Variants in LRRC4C observed in about 807,000 individuals in gnomAD.
The protein encoded by LRRC4C is leucine-rich repeat-containing protein 4C.
A neutral mutation model predicts 33.6 loss-of-function variants in LRRC4C; 5 were observed. The observed-to-expected ratio is 0.15, with a 90% CI of 0.08 to 0.31. The LOEUF (loss-of-function observed/expected upper bound fraction) is 0.31. Ranked by LOEUF, LRRC4C falls within the 10% of genes least tolerant of loss-of-function variation. LRRC4C has a pLI of 1.00. For synonymous variants in LRRC4C, 329 were observed against 302.0 expected, an observed-to-expected ratio of 1.09 and a Z score of -0.93; for missense variants, 560 against 796.7, an observed-to-expected ratio of 0.70 and a Z score of 3.58.
intron 1 of LRRC4C, among the ~76,000 whole-genome samples, chr11:41,288,260 T>A (rs1174441314): frequency 6.6e-6 from 1 of 152,212 alleles, no homozygotes; most frequent in Non-Finnish European, 1.5e-5. Flanking sequence ...TCTCCATCCT[T>A]ACCTTTATTA....
At chr11:41,369,364 A>T in intron 1 of LRRC4C, among the ~76,000 whole-genome samples, 1 of 152,074 alleles carries the variant, frequency 6.6e-6, no homozygotes, top group East Asian at 1.9e-4. Flanking sequence ...AATGACACAC[A>T]CTGGGGCCTC....
At chr11:40,952,792 T>C (rs1041691264) in intron 1 of LRRC4C, among the ~76,000 whole-genome samples, 1 of 151,494 alleles carries the variant, frequency 6.6e-6, no homozygotes, top group African/African-American at 2.4e-5. Flanking sequence ...CACTGGTTTA[T>C]TTAAGGCTTC....
chr11:40,257,567 T>C lies in LRRC4C; in HGVS notation c.-175-15969A>G, dbSNP rs536652964. Among the ~76,000 whole-genome samples the C allele has an allele frequency of 7.9e-5, 12 of 152,308 alleles. No individual in the cohort carries two copies. The South Asian group carries it at 2.5e-3, about 32-fold the overall frequency. ...CCCCGAAGAGTCATCTTGACTCGCC[T>C]AAGACAATCATGGCTGCCTCACTTT... is the stretch of plus-strand genomic sequence containing the variant. On this transcript the variant is annotated intron_variant, in intron 4 of 6. Transcript: ENST00000528697.
chr11:40,953,330 T>A (rs1958801875), intron 1 of LRRC4C, among the ~76,000 whole-genome samples: 1 of 151,898 alleles, frequency 6.6e-6, no homozygotes, highest in Non-Finnish European at 1.5e-5. Context: ...ATTTCCTGAC[T>A]TTTAGAAGGT....
At chr11:40,603,026 T>C (rs1960187156) in intron 3 of LRRC4C, among the ~76,000 whole-genome samples, 10 of 152,116 alleles carry the variant, frequency 6.6e-5, no homozygotes, top group Admixed American at 6.6e-4. Flanking sequence ...AGAGTATCTC[T>C]TTATGACTGG....
At chr11:40,756,540 A>G (rs1948955993) in intron 2 of LRRC4C, among the ~76,000 whole-genome samples, 6 of 152,064 alleles carry the variant, frequency 3.9e-5, no homozygotes, top group South Asian at 2.1e-4. Context: ...TGAAACTGCT[A>G]TGTGGACTGG....
chr11:41,303,394 T>G (rs1219451021), intron 1 of LRRC4C, among the ~76,000 whole-genome samples: 1 of 127,170 alleles, frequency 7.9e-6, no homozygotes, highest in Non-Finnish European at 1.7e-5. Context: ...CAGTGCTCAA[T>G]GGTGCCCAGG....
intron 1 of LRRC4C, among the ~76,000 whole-genome samples, chr11:41,329,609 A>G (rs1453137221): frequency 6.6e-6 from 1 of 152,170 alleles, no homozygotes; most frequent in Non-Finnish European, 1.5e-5. Context: ...CCTTAGTTTC[A>G]GTCTCTGATT....
At chr11:40,618,763 A>G (rs1275795578) in intron 3 of LRRC4C, among the ~76,000 whole-genome samples, 2 of 151,818 alleles carry the variant, frequency 1.3e-5, no homozygotes, top group East Asian at 3.9e-4. Flanking sequence ...ATCTGAATCA[A>G]TTTTGGGTTG....
intron 4 of LRRC4C, among the ~76,000 whole-genome samples, chr11:40,319,250 G>T (rs971192615): frequency 6.6e-5 from 10 of 152,028 alleles, no homozygotes; most frequent in African/African-American, 2.2e-4. Flanking sequence ...GCAAGATTTC[G>T]TCAATCACAG....
At chr11:40,280,409 A>C (rs1177226842) in intron 4 of LRRC4C, among the ~76,000 whole-genome samples, 1 of 152,240 alleles carries the variant, frequency 6.6e-6, no homozygotes, top group African/African-American at 2.4e-5. Flanking sequence ...GGCCACGTGC[A>C]TTAAGCAGGC....
chr11:41,278,312 A>G (rs1020860295), intron 1 of LRRC4C, among the ~76,000 whole-genome samples: 1 of 152,186 alleles, frequency 6.6e-6, no homozygotes, highest in African/African-American at 2.4e-5. Context: ...GGAAACTTTG[A>G]CTTTAAGTGA....
intron 2 of LRRC4C, among the ~76,000 whole-genome samples, chr11:40,855,339 C>A (rs941370215): frequency 2.6e-5 from 4 of 152,148 alleles, no homozygotes; most frequent in African/African-American, 9.7e-5. Flanking sequence ...CCTATTAGGT[C>A]TATTATTCAT....
chr11:40,619,765 T>G (rs1445535546), intron 3 of LRRC4C, among the ~76,000 whole-genome samples: 2 of 151,618 alleles, frequency 1.3e-5, no homozygotes. Flanking sequence ...TTTCTCAGGA[T>G]AGGAAATTTC....
At chr11:41,312,456 C>T (rs752891031) in intron 1 of LRRC4C, among the ~76,000 whole-genome samples, 5 of 152,184 alleles carry the variant, frequency 3.3e-5, no homozygotes, top group Non-Finnish European at 7.3e-5. Flanking sequence ...AGATGTGTTA[C>T]TAGTTCACTG....
chr11:41,025,916 T>C (rs1205824133), intron 1 of LRRC4C, among the ~76,000 whole-genome samples: 1 of 151,746 alleles, frequency 6.6e-6, no homozygotes. Flanking sequence ...TTTCATCCAA[T>C]TGTTGATATC....
At chr11:40,334,356 T>C (rs978237707) in intron 3 of LRRC4C, among the ~76,000 whole-genome samples, 5 of 151,962 alleles carry the variant, frequency 3.3e-5, no homozygotes, top group African/African-American at 1.2e-4. Flanking sequence ...CAATGGGTAC[T>C]ATTATCCATG....
At chr11:41,235,265 TA>T (rs545315087) in intron 1 of LRRC4C, among the ~76,000 whole-genome samples, 17 of 151,902 alleles carry the variant, frequency 1.1e-4, no homozygotes, top group African/African-American at 3.9e-4. Flanking sequence ...CAGAAGACGC[TA>T]AAAAAAATGC....
rs529652712 is a variant in LRRC4C, at chr11:40,623,373, G to A, written c.-270+24769C>T. 9.2e-5 allele frequency among the ~76,000 whole-genome samples: 14 copies of A among 152,052 alleles called. No individual in the cohort carries two copies. The South Asian group carries it at 2.9e-3, about 32-fold the overall frequency. ...ATCTCATGCTATTTTAAGTTCTAAA[G>A]ATTGTCTTGATGCCATTCTAGCAAC... is the stretch of plus-strand genomic sequence containing the variant. On this transcript the variant is annotated intron_variant, in intron 3 of 6. Coordinates refer to ENST00000528697, the MANE Select transcript of LRRC4C (RefSeq NM_001258419.2).
Sources: allele counts gnomAD v4.1 joint callset (sites outside exome capture counted in the v4.1 genomes callset), GRCh38; gene constraint gnomAD v4.1.1; transcripts MANE v1.5; gene names NCBI Gene and HGNC (gene_info 2026-07-23, HGNC 2026-07-21).